The following LAMC1 variants were observed in gnomAD, a reference collection of about 807,000 sequenced individuals.
LAMC1 encodes laminin subunit gamma 1.
LAMC1 carries 38 observed loss-of-function variants against 173.6 expected under a neutral mutation model. The ratio of observed to expected loss-of-function variants is 0.22; its 90% confidence interval spans 0.17 to 0.29. The LOEUF (loss-of-function observed/expected upper bound fraction) is 0.29, where lower values mean the gene tolerates loss of function less well. Ranked by LOEUF, LAMC1 falls within the 10% of genes least tolerant of loss-of-function variation. LAMC1 has a pLI of 1.00. For missense variants in LAMC1, 1,824 were observed against 2,051.8 expected (o/e 0.89, Z 2.14); for synonymous variants, 746 against 749.1 (o/e 1.00, Z 0.07).
rs772027203 is a variant in LAMC1 at position 183,122,058 on chromosome 1, A to C, written c.2213-5A>C. On this transcript the variant is annotated splice_region_variant and splice_polypyrimidine_tract_variant and intron_variant, in intron 12 of 27. Transcript: ENST00000258341. ...CCTGTTTTCTCACGCCTGCCTTCCAAATAGGTGTTTGTAACTGCAGAGACA... is the reference window on the plus strand; with the variant it reads ...CCTGTTTTCTCACGCCTGCCTTCCACATAGGTGTTTGTAACTGCAGAGACA... The C allele has an allele frequency of 1.5e-4, 243 of 1,612,002 alleles. No individual in the cohort carries two copies. The highest frequency in any genetic ancestry group is 1.9e-4 in the Non-Finnish European group (229 of 1,178,404).
chr1:183,136,261 G>T, intron 24 of LAMC1, 125 bp from the exon 25 acceptor site: 1 of 734,908 alleles, frequency 1.4e-6, no homozygotes, highest in Non-Finnish European at 2.3e-6. Flanking sequence ...TTCAGCCCAT[G>T]CTCTCTTCCA....
At chr1:183,107,851 C>G (rs1656027073) in intron 2 of LAMC1, among the ~76,000 whole-genome samples, 1 of 151,884 alleles carries the variant, frequency 6.6e-6, no homozygotes. Context: ...AAAAAAAGGA[C>G]AGGGGCAGGC....
chr1:183,055,771 C>A (rs1423126406), intron 1 of LAMC1, among the ~76,000 whole-genome samples: 1 of 151,592 alleles, frequency 6.6e-6, no homozygotes, highest in African/African-American at 2.4e-5. Context: ...GAGATCACAC[C>A]ACTGCACTTC....
chr1:183,135,020 C>T (rs1356801298), intron 23 of LAMC1, 22 bp from the exon 24 acceptor site: 2 of 1,581,140 alleles, frequency 1.3e-6, no homozygotes, highest in African/African-American at 2.7e-5. Flanking sequence ...GGTTCATCCT[C>T]TCATCTGCCA....
chr1:183,086,708 T>A (rs1168480941), intron 1 of LAMC1, among the ~76,000 whole-genome samples: 2 of 152,232 alleles, frequency 1.3e-5, no homozygotes, highest in Non-Finnish European at 2.9e-5. Context: ...TACCTGCAGC[T>A]GGGCATATAG....
Position 183,117,772 on chromosome 1 carries a change from T to C in LAMC1, c.1877+49T>C, listed in dbSNP as rs116182417. ...TGAGACTTGACGAACATTGTGAAAG[T>C]GGTGTCTTTATTTAAGTTTAACTGG... On this transcript the variant is annotated intron_variant, in intron 10 of 27. Transcript: ENST00000258341. 9.7e-4 allele frequency: 1,475 copies of C among 1,515,656 alleles called. 13 individuals are homozygous for C. In the African/African-American group the frequency reaches 0.018, roughly 19 times the overall value. The allele number at this position is 1,515,656 out of a possible 1,614,324, so 93.9% of individuals were successfully genotyped here.
rs554313417 is a variant in LAMC1, at chr1:183,037,012, G to A, written c.418+12878G>A. Among the ~76,000 whole-genome samples, 7 of 152,304 alleles carry A rather than the reference G, an allele frequency of 4.6e-5. No homozygotes were observed. The East Asian group carries it at 1.4e-3, about 29-fold the overall frequency. On this transcript the variant is annotated intron_variant, in intron 1 of 27. Coordinates refer to ENST00000258341, the MANE Select transcript of LAMC1 (RefSeq NM_002293.4). ...GCTGGCCTCGAACTCCTGACCTCAG[G>A]TGATCCATCTGCCTTGGCCTCCCAA... is the stretch of plus-strand genomic sequence containing the variant.
chr1:183,082,508 G>C (rs1482763294), intron 1 of LAMC1, among the ~76,000 whole-genome samples: 2 of 152,178 alleles, frequency 1.3e-5, no homozygotes, highest in Non-Finnish European at 2.9e-5. Context: ...GAAGGGTCAT[G>C]GTAAAGGAGG....
At chr1:183,064,564 C>CTTGTTTTTGGTGAA (rs1200594291) in intron 1 of LAMC1, among the ~76,000 whole-genome samples, 1 of 152,034 alleles carries the variant, frequency 6.6e-6, no homozygotes, top group Non-Finnish European at 1.5e-5. Context: ...ACAATTTTTA[C>CTTGTTTTTGGTGAA]CCAATTTTTG....
chr1:183,111,344 C>T (rs1037978235), intron 4 of LAMC1, among the ~76,000 whole-genome samples: 6 of 152,106 alleles, frequency 3.9e-5, no homozygotes, highest in African/African-American at 1.2e-4. Flanking sequence ...GCCTTGGCCT[C>T]CTAAAGTGCT....
intron 4 of LAMC1, among the ~76,000 whole-genome samples, chr1:183,114,234 T>G (rs1656250291): frequency 6.6e-6 from 1 of 152,148 alleles, no homozygotes; most frequent in Admixed American, 6.5e-5. Context: ...CACACCCGGC[T>G]AATTTTTTGT....
rs546929173 is a variant in LAMC1, at chr1:183,135,176, CAG to C, written c.4114+21_4114+22del. On this transcript the variant is annotated intron_variant, in intron 24 of 27. Transcript: ENST00000258341. Reference sequence around the variant, plus strand: ...TGAAAGGTAGAAAAGGCTGAGATAACAGGGGCAAATGCTTCCGCCACTAGAGT... The same window carrying C: ...TGAAAGGTAGAAAAGGCTGAGATAACGGGCAAATGCTTCCGCCACTAGAGT... 3.3e-4 allele frequency: 491 copies of C among 1,489,050 alleles called. No individual in the cohort carries two copies. The African/African-American group carries it at 5.5e-3, about 17-fold the overall frequency. The allele number at this position is 1,489,050 out of a possible 1,614,324, so 92.2% of individuals were successfully genotyped here. A position where few individuals can be genotyped will look rare whatever the true frequency, so the allele number is the denominator to read the frequency against.
intron 1 of LAMC1, among the ~76,000 whole-genome samples, chr1:183,089,223 G>A (rs1201270444): frequency 6.6e-6 from 1 of 152,240 alleles, no homozygotes; most frequent in East Asian, 1.9e-4. Context: ...GTGGGTGCAT[G>A]TGAAATACTC....
At chr1:183,100,825 C>T (rs1354095593) in intron 1 of LAMC1, among the ~76,000 whole-genome samples, 1 of 152,170 alleles carries the variant, frequency 6.6e-6, no homozygotes, top group East Asian at 1.9e-4. Flanking sequence ...TGCCACAGAG[C>T]TCCCTCATTT....
At chr1:183,037,405 C>T (rs186630904) in intron 1 of LAMC1, among the ~76,000 whole-genome samples, 1 of 152,318 alleles carries the variant, frequency 6.6e-6, no homozygotes, top group East Asian at 1.9e-4. Context: ...GGTCTGTCTT[C>T]ACATTCTAGT....
At chr1:183,106,960 G>A (rs1174468142) in intron 2 of LAMC1, among the ~76,000 whole-genome samples, 1 of 152,174 alleles carries the variant, frequency 6.6e-6, no homozygotes, top group Non-Finnish European at 1.5e-5. Flanking sequence ...CAGAGAAAGA[G>A]ACTGCACTGG....
intron 2 of LAMC1, among the ~76,000 whole-genome samples, chr1:183,104,973 C>T (rs1323688398): frequency 2.0e-5 from 3 of 150,784 alleles, no homozygotes; most frequent in African/African-American, 4.9e-5. Flanking sequence ...CTTTGGGAGG[C>T]GGAGGCAGGT....
rs1193855609 is a variant in LAMC1 at position 183,117,642 on chromosome 1, G to T, written c.1796G>T (p.Gly599Val). 6.2e-7 allele frequency: 1 copy of T among 1,614,072 alleles called. No individual in the cohort carries two copies. The highest frequency in any genetic ancestry group is 8.5e-7 in the Non-Finnish European group (1 of 1,180,038). The change falls in exon 10 of 28, where the codon GGA becomes GTA. Residue 599 changes from glycine (G) to valine (V), a missense_variant. Physicochemically the swap from Gly to Val is moderately radical, Grantham distance 109. Transcript: ENST00000258341. ...RLSAEDLVLE[G>V]AGLRVSVPLI... Reference sequence around the variant, plus strand: ...TCTGCAGAAGACCTTGTGCTTGAGGGAGCTGGCTTAAGAGTATCTGTACCC... The same window carrying T: ...TCTGCAGAAGACCTTGTGCTTGAGGTAGCTGGCTTAAGAGTATCTGTACCC...
chr1:183,110,744 G>T, intron 4 of LAMC1, 90 bp downstream of exon 4: 1 of 1,357,648 alleles, frequency 7.4e-7, no homozygotes, highest in Non-Finnish European at 1.0e-6. Flanking sequence ...ATTCCTCCTT[G>T]AAAGGAAAGC....
Sources: allele counts gnomAD v4.1 joint callset (sites outside exome capture counted in the v4.1 genomes callset), GRCh38; gene constraint gnomAD v4.1.1; transcripts MANE v1.5; gene names NCBI Gene and HGNC (gene_info 2026-07-23, HGNC 2026-07-21).